Variants in FER observed in about 807,000 individuals in gnomAD.
FER encodes the protein FER tyrosine kinase.
In FER, 63 loss-of-function variants were observed where a neutral mutation model predicts 111.0. That is an observed-to-expected ratio of 0.57 (90% confidence interval 0.46 to 0.70). The LOEUF (loss-of-function observed/expected upper bound fraction) is 0.70. FER is among the 30% of genes least tolerant of loss of function. FER has a pLI of 0.00. For synonymous variants in FER, 327 were observed against 313.9 expected (o/e 1.04, Z -0.44); for missense variants, 914 against 954.0 (o/e 0.96, Z 0.55).
chr5:109,138,051 A>G (rs999038452), intron 17 of FER, among the ~76,000 whole-genome samples: 1 of 152,142 alleles, frequency 6.6e-6, no homozygotes, highest in East Asian at 1.9e-4. Flanking sequence ...TCTTTCTGTC[A>G]TATCGGAACT....
intron 8 of FER, among the ~76,000 whole-genome samples, chr5:108,882,760 G>A (rs995218785): frequency 2.6e-5 from 4 of 151,802 alleles, no homozygotes; most frequent in Non-Finnish European, 5.9e-5. Flanking sequence ...TGATAGCCAT[G>A]TATGTTTTTG....
chr5:108,874,560 C>A (rs1444581467), intron 8 of FER, among the ~76,000 whole-genome samples: 1 of 151,486 alleles, frequency 6.6e-6, no homozygotes, highest in African/African-American at 2.4e-5. Context: ...AAGGTAATTC[C>A]ATTAAAACTG....
chr5:108,879,701 A>T (rs192365119), intron 8 of FER, among the ~76,000 whole-genome samples: 14,018 of 94,710 alleles, frequency 0.15, 1,245 homozygotes, highest in African/African-American at 0.19. Context: ...ATTAAAAAAA[A>T]ATATATATAT....
At chr5:109,130,462 T>G (rs1752237648) in intron 17 of FER, among the ~76,000 whole-genome samples, 1 of 151,698 alleles carries the variant, frequency 6.6e-6, no homozygotes, top group Non-Finnish European at 1.5e-5. Flanking sequence ...GAACTACATA[T>G]GTAATTTTAA....
At chr5:108,891,981 C>CA (rs1336502749) in intron 9 of FER, among the ~76,000 whole-genome samples, 2 of 152,178 alleles carry the variant, frequency 1.3e-5, no homozygotes, top group African/African-American at 2.4e-5. Flanking sequence ...CATGTCCCTA[C>CA]AAAGGACATG....
At chr5:108,883,746 T>C (rs963287427) in intron 9 of FER, among the ~76,000 whole-genome samples, 1 of 151,990 alleles carries the variant, frequency 6.6e-6, no homozygotes, top group East Asian at 1.9e-4. Context: ...AATATAGCAT[T>C]CTGATCATAT....
At position 109,016,154 on chromosome 5, in the gene FER, G is replaced by A. The variant is rs117715968; in HGVS notation, c.1657-21268G>A. On this transcript the variant is annotated intron_variant, in intron 13 of 19. Transcript: ENST00000281092. ...CAGTAATCAGAGACTATAATTACAT[G>A]CTAATGTTATAGCCCTGTCAGTATC... is the stretch of plus-strand genomic sequence containing the variant. 8.3e-4 allele frequency among the ~76,000 whole-genome samples: 126 copies of A among 152,090 alleles called. No individual in the cohort carries two copies. In the East Asian group the frequency reaches 0.012, roughly 14 times the overall value.
intron 3 of FER, among the ~76,000 whole-genome samples, chr5:108,822,343 A>G (rs1758938465): frequency 6.6e-6 from 1 of 152,240 alleles, no homozygotes; most frequent in African/African-American, 2.4e-5. Context: ...TTGGTATAAT[A>G]GAATTCCTGA....
intron 16 of FER, among the ~76,000 whole-genome samples, chr5:109,048,597 ACT>A (rs1772318015): frequency 6.6e-6 from 1 of 152,174 alleles, no homozygotes; most frequent in Non-Finnish European, 1.5e-5. Flanking sequence ...GTTTATCTAG[ACT>A]CTGACTAGTA....
intron 9 of FER, among the ~76,000 whole-genome samples, chr5:108,895,454 G>T (rs1457779987): frequency 6.6e-6 from 1 of 152,112 alleles, no homozygotes; most frequent in Admixed American, 6.6e-5. Flanking sequence ...GTTTCTTCTA[G>T]ACACTCTAGG....
intron 10 of FER, among the ~76,000 whole-genome samples, chr5:108,923,056 A>T (rs549747326): frequency 6.6e-6 from 1 of 152,264 alleles, no homozygotes; most frequent in South Asian, 2.1e-4. Flanking sequence ...CTCATCTGTA[A>T]ACTAGGGTTT....
intron 13 of FER, among the ~76,000 whole-genome samples, chr5:109,026,576 G>A (rs1490965460): frequency 1.3e-5 from 2 of 152,106 alleles, no homozygotes; most frequent in Non-Finnish European, 2.9e-5. Flanking sequence ...TAATGAAGCA[G>A]GCTGACTGAA....
chr5:108,983,321 A>T (rs533693847), intron 13 of FER, among the ~76,000 whole-genome samples: 3 of 152,206 alleles, frequency 2.0e-5, no homozygotes, highest in East Asian at 1.9e-4. Flanking sequence ...ACTTTTTCCC[A>T]GTCTGAGCTC....
chr5:109,123,429 A>G (rs1223308469), intron 17 of FER, among the ~76,000 whole-genome samples: 1 of 151,262 alleles, frequency 6.6e-6, no homozygotes, highest in East Asian at 1.9e-4. Flanking sequence ...TGCTGGGATT[A>G]CAGGTGTGAG....
At chr5:109,044,308 A>G (rs1771628223) in intron 14 of FER, among the ~76,000 whole-genome samples, 1 of 151,468 alleles carries the variant, frequency 6.6e-6, no homozygotes, top group Non-Finnish European at 1.5e-5. Flanking sequence ...CCTCCCAAGT[A>G]GCTGGGACTA....
intron 16 of FER, among the ~76,000 whole-genome samples, chr5:109,072,004 G>A (rs1353720406): frequency 1.3e-5 from 2 of 151,124 alleles, no homozygotes; most frequent in African/African-American, 4.9e-5. Context: ...GTTATGTTAC[G>A]AACCTAATTC....
rs1759395123 is a variant in FER at position 109,191,691 on chromosome 5, T to C, written c.*4116T>C. ...TTTACCATCAAAATAGCGTTACTTC[T>C]TTTATGACTAACTCTGATTTGCTTA... On this transcript the variant is annotated 3_prime_UTR_variant, in exon 20 of 20. Transcript: ENST00000281092. 1 of 152,226 alleles carries C rather than the reference T, an allele frequency of 6.6e-6. No homozygotes were observed. Among genetic ancestry groups the C allele is most frequent in the Admixed American group, 6.5e-5 (1 of 15,272 alleles). The allele number at this position is 152,226 out of a possible 1,614,324, so 9.4% of individuals were successfully genotyped here. A position where few individuals can be genotyped will look rare whatever the true frequency, so the allele number is the denominator to read the frequency against.
At chr5:108,787,703 T>C (rs756930678) in intron 2 of FER, among the ~76,000 whole-genome samples, 2 of 152,176 alleles carry the variant, frequency 1.3e-5, no homozygotes, top group Non-Finnish European at 2.9e-5. Flanking sequence ...AGCTACCCAC[T>C]ATGGGTCTCC....
intron 9 of FER, chr5:108,891,499 C>T (rs1443879347): frequency 6.6e-6 from 1 of 151,806 alleles, no homozygotes; most frequent in Non-Finnish European, 1.5e-5. Context: ...TTGAACTCCT[C>T]GTTTTACTCC....
Sources: allele counts gnomAD v4.1 joint callset (sites outside exome capture counted in the v4.1 genomes callset), GRCh38; gene constraint gnomAD v4.1.1; transcripts MANE v1.5; gene names NCBI Gene and HGNC (gene_info 2026-07-23, HGNC 2026-07-21).